Variants in SBF2 observed in about 807,000 individuals in gnomAD.
SBF2 encodes the protein myotubularin-related protein 13.
Under a neutral mutation model 225.2 loss-of-function variants are expected in SBF2, and 112 were observed. The ratio of observed to expected loss-of-function variants is 0.50; its 90% confidence interval spans 0.43 to 0.58. SBF2 has a LOEUF of 0.58. Ranked by LOEUF, SBF2 falls within the 20% of genes least tolerant of loss-of-function variation. The pLI is 0.00. For synonymous variants in SBF2, 763 were observed against 773.3 expected (o/e 0.99, Z 0.22); for missense variants, 1,996 against 2,206.2 (o/e 0.90, Z 1.91).
intron 11 of SBF2, 122 bp downstream of exon 11, chr11:9,992,868 G>C (rs921133134): frequency 2.8e-6 from 2 of 705,940 alleles, no homozygotes; most frequent in African/African-American, 3.6e-5. Flanking sequence ...ACCACACAGA[G>C]ATTTTAAATA....
At chr11:10,105,875 C>A (rs529534447) in intron 2 of SBF2, among the ~76,000 whole-genome samples, 1 of 152,144 alleles carries the variant, frequency 6.6e-6, no homozygotes, top group African/African-American at 2.4e-5. Flanking sequence ...TCAGTGATAG[C>A]TGACAGAGGG....
At position 9,785,129 on chromosome 11, in the gene SBF2, T is replaced by C; in HGVS notation, c.5227A>G (p.Asn1743Asp). The change falls in exon 37 of 40, where the codon AAC becomes GAC. Residue 1743 changes from asparagine to aspartate, a missense_variant. Coordinates refer to ENST00000256190, the MANE Select transcript of SBF2 (RefSeq NM_030962.4). ...YSQYTSKNDE[N>D]RSFEGTLYKR... The stretch of plus-strand genomic sequence containing the variant: ...GAGCAGGGTTCAGCATGTCACCTGT[T>C]TTCATCATTCTTGGATGTATACTGG... The C allele has an allele frequency of 1.9e-6, 3 of 1,612,598 alleles. No homozygotes were observed. The highest frequency in any genetic ancestry group is 2.5e-6 in the Non-Finnish European group (3 of 1,180,016).
intron 6 of SBF2, among the ~76,000 whole-genome samples, chr11:10,005,239 T>C (rs1948142171): frequency 6.6e-6 from 1 of 152,156 alleles, no homozygotes; most frequent in South Asian, 2.1e-4. Context: ...AACTGGTATA[T>C]GACCCTCTAG....
At chr11:10,078,571 T>A (rs888541430) in intron 2 of SBF2, among the ~76,000 whole-genome samples, 13 of 151,256 alleles carry the variant, frequency 8.6e-5, no homozygotes, top group African/African-American at 2.9e-4. Flanking sequence ...TAAGTGGGAG[T>A]TGAACAATGA....
intron 3 of SBF2, among the ~76,000 whole-genome samples, chr11:10,041,377 A>G (rs1317668843): frequency 6.6e-6 from 1 of 152,178 alleles, no homozygotes; most frequent in Non-Finnish European, 1.5e-5. Context: ...GATAACATAC[A>G]GTAATCTCTA....
chr11:9,942,903 GAAAGAAAGAA>G lies in SBF2; in HGVS notation c.1860+19044_1860+19053del, dbSNP rs1293526798. ...AGAAAAGAAAAGAAAGAGAGAGAGA[GAAAGAAAGAA>G]AGAAAGAAAGAAAGAAAGAAAGAAA... On this transcript the variant is annotated intron_variant, in intron 16 of 39. Transcript: ENST00000256190. 5.5e-3 allele frequency among the ~76,000 whole-genome samples: 772 copies of G among 139,896 alleles called. 6 individuals are homozygous for G. The highest frequency in any genetic ancestry group is 0.013 in the South Asian group (57 of 4,376). The allele number at this position is 139,896 out of a possible 152,430, so 91.8% of individuals were successfully genotyped here.
chr11:9,917,594 A>G (rs531716382), intron 16 of SBF2, among the ~76,000 whole-genome samples: 1 of 151,724 alleles, frequency 6.6e-6, no homozygotes, highest in South Asian at 2.1e-4. Context: ...GGCCTCCCAA[A>G]GTGCTGGGAT....
At chr11:10,229,118 T>C (rs1202275219) in intron 1 of SBF2, among the ~76,000 whole-genome samples, 2 of 152,212 alleles carry the variant, frequency 1.3e-5, no homozygotes, top group Admixed American at 1.3e-4. Flanking sequence ...GTGTTTATAG[T>C]ATTCTCTGAT....
In SBF2 at chr11:9,789,286, T is replaced by C; in HGVS notation, c.4755A>G (p.Glu1585=). The part of the protein sequence containing the change: ...SSLKKWDYYI[E]ETLSTGPSYD... ...AGGAAGGGCCTGTGGACAGGGTCTC[T>C]TCTATGTAGTAATCCCACTTCTTGA... The change falls in exon 35 of 40, where the codon GAA becomes GAG. Residue 1585 remains glutamate, a synonymous_variant. Transcript: ENST00000256190. 1.2e-6 allele frequency: 2 copies of C among 1,614,132 alleles called. No individual in the cohort carries two copies. The highest frequency in any genetic ancestry group is 1.7e-6 in the Non-Finnish European group (2 of 1,179,974).
intron 9 of SBF2, among the ~76,000 whole-genome samples, chr11:9,994,406 C>T (rs1241099725): frequency 2.7e-5 from 4 of 149,922 alleles, no homozygotes; most frequent in South Asian, 2.1e-4. Context: ...ACCCGGGAGG[C>T]GGAGCTTGCA....
At chr11:10,211,363 G>C (rs995434669) in intron 1 of SBF2, among the ~76,000 whole-genome samples, 5 of 152,150 alleles carry the variant, frequency 3.3e-5, no homozygotes. Flanking sequence ...AGTATATCCT[G>C]ACTTCAAACC....
At chr11:10,265,361 A>G (rs1689348743) in intron 1 of SBF2, among the ~76,000 whole-genome samples, 1 of 151,772 alleles carries the variant, frequency 6.6e-6, no homozygotes, top group Non-Finnish European at 1.5e-5. Flanking sequence ...TTTCATATGC[A>G]TGTTGGCTGC....
chr11:9,792,429 C>CAAA (rs763276221), intron 33 of SBF2, among the ~76,000 whole-genome samples: 3 of 125,978 alleles, frequency 2.4e-5, no homozygotes, highest in African/African-American at 8.6e-5. Flanking sequence ...GACTCCATCT[C>CAAA]AAAAAAAAAA....
rs140771628 is a variant in SBF2, at chr11:9,803,161, G to A, written c.4443+4839C>T. ...GAACTTTAATTAAAAGTTAACTTCT[G>A]TTTTTGATTTCAGAATCAACTGGTT... On this transcript the variant is annotated intron_variant, in intron 32 of 39. Coordinates refer to ENST00000256190, the MANE Select transcript of SBF2 (RefSeq NM_030962.4). Among the ~76,000 whole-genome samples, 139 of 151,714 alleles carry A rather than the reference G, an allele frequency of 9.2e-4. 1 individual carries two copies. Among genetic ancestry groups the A allele is most frequent in the African/African-American group, 2.9e-3 (118 of 41,328 alleles).
At position 9,779,173 on chromosome 11, in the gene SBF2, A is replaced by G. The variant is rs1008711610; in HGVS notation, c.*1245T>C. 6.6e-6 allele frequency: 1 copy of G among 152,646 alleles called. No individual in the cohort carries two copies. Among genetic ancestry groups the G allele is most frequent in the Non-Finnish European group, 1.5e-5 (1 of 68,050 alleles). 9.5% of individuals were successfully genotyped at this position (152,646 alleles called of 1,614,324 possible). A position where few individuals can be genotyped will look rare whatever the true frequency, so the allele number is the denominator to read the frequency against. Reference sequence around the variant, plus strand: ...TTTTTTAAAAGGGAACCATTTCATTATTGAAATCTTATGAATGCATCAGTT... The same window carrying G: ...TTTTTTAAAAGGGAACCATTTCATTGTTGAAATCTTATGAATGCATCAGTT... On this transcript the variant is annotated 3_prime_UTR_variant, in exon 40 of 40. Coordinates refer to ENST00000256190, the MANE Select transcript of SBF2 (RefSeq NM_030962.4).
intron 16 of SBF2, among the ~76,000 whole-genome samples, chr11:9,900,895 C>T (rs994666987): frequency 3.3e-5 from 5 of 152,086 alleles, no homozygotes; most frequent in African/African-American, 7.2e-5. Context: ...CATCACCGCA[C>T]CCAGCTAATT....
In SBF2 at chr11:9,851,649, G is replaced by A. The variant is rs557337714; in HGVS notation, c.2610+1027C>T. Among the ~76,000 whole-genome samples the A allele has an allele frequency of 2.6e-4, 39 of 152,330 alleles. 1 individual carries two copies. In the South Asian group the frequency reaches 7.9e-3, roughly 31 times the overall value. ...CACTATTATTTTTGTTGGCTCTAGT[G>A]AGTTTAGAGCTAAATGTAAAGCCAA... On this transcript the variant is annotated intron_variant, in intron 21 of 39. Coordinates refer to ENST00000256190, the MANE Select transcript of SBF2 (RefSeq NM_030962.4).
intron 32 of SBF2, among the ~76,000 whole-genome samples, chr11:9,803,353 A>G (rs1564867881): frequency 6.6e-6 from 1 of 152,200 alleles, no homozygotes; most frequent in Non-Finnish European, 1.5e-5. Flanking sequence ...TATTCTAAAG[A>G]TAATAGGAAT....
intron 6 of SBF2, among the ~76,000 whole-genome samples, chr11:10,020,503 T>G (rs1241748223): frequency 6.6e-6 from 1 of 152,124 alleles, no homozygotes; most frequent in Non-Finnish European, 1.5e-5. Context: ...TCTCTCAAGT[T>G]GCCCGCTTGG....
Sources: allele counts gnomAD v4.1 joint callset (sites outside exome capture counted in the v4.1 genomes callset), GRCh38; gene constraint gnomAD v4.1.1; transcripts MANE v1.5; gene names NCBI Gene and HGNC (gene_info 2026-07-23, HGNC 2026-07-21).